Variants in ERBB4 observed in about 807,000 individuals in gnomAD.
ERBB4 encodes the protein erb-b2 receptor tyrosine kinase 4, also known as receptor tyrosine-protein kinase erbB-4.
A neutral mutation model predicts 158.0 loss-of-function variants in ERBB4; 42 were observed. That is an observed-to-expected ratio of 0.27 (90% CI 0.21 to 0.34). The LOEUF (loss-of-function observed/expected upper bound fraction) is 0.34, where lower values mean the gene tolerates loss of function less well. ERBB4 is among the 10% of genes least tolerant of loss of function. The probability of loss-of-function intolerance (pLI) is 1.00; values close to 1 mark genes in which losing one functional copy is unlikely to be tolerated. For missense variants in ERBB4, 1,333 were observed against 1,624.1 expected (o/e 0.82, Z 3.08); for synonymous variants, 583 against 558.7 (o/e 1.04, Z -0.61).
chr2:212,373,987 CATATATATCCAT>C (rs2090216431), intron 1 of ERBB4, among the ~76,000 whole-genome samples: 2 of 107,316 alleles, frequency 1.9e-5, no homozygotes, highest in African/African-American at 3.3e-5. Context: ...TATATATATC[CATATATATCCAT>C]ATATATATAT....
At chr2:211,985,199 A>G (rs896793082) in intron 2 of ERBB4, among the ~76,000 whole-genome samples, 1 of 152,194 alleles carries the variant, frequency 6.6e-6, no homozygotes, top group Non-Finnish European at 1.5e-5. Context: ...AATTGTAAAA[A>G]GTACCCAGAT....
At chr2:211,707,628 A>G (rs1241254916) in intron 9 of ERBB4, among the ~76,000 whole-genome samples, 1 of 152,158 alleles carries the variant, frequency 6.6e-6, no homozygotes, top group Non-Finnish European at 1.5e-5. Flanking sequence ...GGTTACTCTA[A>G]GCACATGCAC....
intron 1 of ERBB4, among the ~76,000 whole-genome samples, chr2:212,437,776 C>A (rs997707712): frequency 1.9e-4 from 29 of 152,034 alleles, no homozygotes; most frequent in African/African-American, 6.8e-4. Context: ...TTGTCCACAC[C>A]ATTCTGTTTC....
At chr2:211,518,523 GCA>G (rs922035755) in intron 20 of ERBB4, among the ~76,000 whole-genome samples, 1 of 151,976 alleles carries the variant, frequency 6.6e-6, no homozygotes, top group African/African-American at 2.4e-5. Flanking sequence ...GGGTGGTGGT[GCA>G]CACCTGTAAT....
At chr2:212,439,822 A>C (rs2092216743) in intron 1 of ERBB4, among the ~76,000 whole-genome samples, 1 of 152,182 alleles carries the variant, frequency 6.6e-6, no homozygotes, top group Non-Finnish European at 1.5e-5. Flanking sequence ...AAAAAATATA[A>C]GAAGCCCTGT....
Position 211,638,163 on chromosome 2 carries a change from CT to C in ERBB4, c.1947-7570del, listed in dbSNP as rs201437626. Among the ~76,000 whole-genome samples the C allele has an allele frequency of 1.7e-3, 249 of 147,322 alleles. 1 individual carries two copies. The highest frequency in any genetic ancestry group is 5.4e-3 in the African/African-American group (218 of 40,426). ...GTGAGAAAACAGTTAAAATGGTTTT[CT>C]TTTTTTTTTAACTTATATGGGATTT... On this transcript the variant is annotated intron_variant, in intron 16 of 27. Coordinates refer to ENST00000342788, the MANE Select transcript of ERBB4 (RefSeq NM_005235.3).
rs559089075 is a variant in ERBB4 at position 211,616,848 on chromosome 2, T to G, written c.2301+2329A>C. Among the ~76,000 whole-genome samples, 44 of 152,208 alleles carry G rather than the reference T, an allele frequency of 2.9e-4. No individual in the cohort carries two copies. In the Middle Eastern group the frequency reaches 0.01, roughly 35 times the overall value. On this transcript the variant is annotated intron_variant, in intron 19 of 27. Coordinates refer to ENST00000342788, the MANE Select transcript of ERBB4 (RefSeq NM_005235.3). ...CAAGAGAAAAGGCACAGTCAAAATA[T>G]TTTCTTTAACTTTTTTTAACTTTTA...
chr2:211,793,583 A>C (rs1031012624), intron 3 of ERBB4, among the ~76,000 whole-genome samples: 2 of 151,954 alleles, frequency 1.3e-5, no homozygotes, highest in African/African-American at 4.8e-5. Flanking sequence ...GACATAAAGC[A>C]ATGTATCTTT....
rs576599041 is a variant in ERBB4, at chr2:212,165,644, A to T, written c.83-40741T>A. Among the ~76,000 whole-genome samples, 35 of 152,122 alleles carry T rather than the reference A, an allele frequency of 2.3e-4. 1 individual carries two copies. The highest frequency in any genetic ancestry group is 7.9e-4 in the African/African-American group (33 of 41,524). On this transcript the variant is annotated intron_variant, in intron 1 of 27. Coordinates refer to ENST00000342788, the MANE Select transcript of ERBB4 (RefSeq NM_005235.3). ...TTAAAATTTATTTCATCCTTCCCGC[A>T]TCTTTATACCATCAATGTGGACATC... is the stretch of plus-strand genomic sequence containing the variant.
chr2:212,213,628 G>C (rs181524224), intron 1 of ERBB4, among the ~76,000 whole-genome samples: 53 of 151,946 alleles, frequency 3.5e-4, no homozygotes, highest in Non-Finnish European at 6.0e-4. Flanking sequence ...CAATGCTAAA[G>C]TAATTTTCTG....
intron 2 of ERBB4, among the ~76,000 whole-genome samples, chr2:211,990,277 A>G (rs1345356340): frequency 6.6e-6 from 1 of 151,930 alleles, no homozygotes; most frequent in Non-Finnish European, 1.5e-5. Context: ...AGCCATTAAA[A>G]TATCTGGGGG....
intron 1 of ERBB4, among the ~76,000 whole-genome samples, chr2:212,251,422 C>G (rs1405252473): frequency 6.6e-6 from 1 of 151,886 alleles, no homozygotes; most frequent in Non-Finnish European, 1.5e-5. Context: ...CCTCAAGTAC[C>G]TCATATCGTA....
rs559683530 is a variant in ERBB4 at position 212,437,671 on chromosome 2, T to C, written c.82+100778A>G. Among the ~76,000 whole-genome samples, 12 of 152,154 alleles carry C rather than the reference T, an allele frequency of 7.9e-5. No individual in the cohort carries two copies. In the East Asian group the frequency reaches 1.9e-3, roughly 24 times the overall value. On this transcript the variant is annotated intron_variant, in intron 1 of 27. Transcript: ENST00000342788. ...GTAGGTCACAAAAGGAACTCCATAATTGGGTTAACATCTACCACCTAGGCC... is the reference window on the plus strand; with the variant it reads ...GTAGGTCACAAAAGGAACTCCATAACTGGGTTAACATCTACCACCTAGGCC...
intron 3 of ERBB4, among the ~76,000 whole-genome samples, chr2:211,823,760 T>C (rs1009293896): frequency 1.3e-5 from 2 of 152,000 alleles, no homozygotes; most frequent in African/African-American, 4.8e-5. Flanking sequence ...ATCTGTGTAA[T>C]TTTTGTCCTC....
intron 2 of ERBB4, among the ~76,000 whole-genome samples, chr2:212,118,636 A>C (rs557117901): frequency 5.3e-5 from 8 of 152,252 alleles, no homozygotes; most frequent in Admixed American, 4.6e-4. Context: ...AACTAAAGAC[A>C]AAGGCTATAT....
chr2:211,875,041 A>C lies in ERBB4; in HGVS notation c.421+72389T>G, dbSNP rs1173711372. Reference sequence around the variant, plus strand: ...ATAGAAATGCAAAAAAAAAAAAAAAAAAAAAAAAACAAACTCAAATAAAAT... The same window carrying C: ...ATAGAAATGCAAAAAAAAAAAAAAACAAAAAAAAACAAACTCAAATAAAAT... On this transcript the variant is annotated intron_variant, in intron 3 of 27. Transcript: ENST00000342788. Among the ~76,000 whole-genome samples, 4 of 140,830 alleles carry C rather than the reference A, an allele frequency of 2.8e-5. 1 individual carries two copies. The East Asian group carries it at 6.0e-4, about 21-fold the overall frequency. 92.4% of individuals were successfully genotyped at this position (140,830 alleles called of 152,430 possible).
rs190709957 is a variant in ERBB4 at position 211,435,482 on chromosome 2, C to G, written c.2488-4382G>C. Reference sequence around the variant, plus strand: ...TGCTCCAAGTTATCTAATCAGGGATCCCCAACCCCTGGGCCATGGAGCAGC... The same window carrying G: ...TGCTCCAAGTTATCTAATCAGGGATGCCCAACCCCTGGGCCATGGAGCAGC... On this transcript the variant is annotated intron_variant, in intron 20 of 27. Transcript: ENST00000342788. 4.3e-4 allele frequency among the ~76,000 whole-genome samples: 66 copies of G among 152,270 alleles called. No individual in the cohort carries two copies. The East Asian group carries it at 0.011, about 25-fold the overall frequency.
intron 3 of ERBB4, among the ~76,000 whole-genome samples, chr2:211,943,857 G>A (rs992515005): frequency 2.0e-5 from 3 of 151,864 alleles, no homozygotes; most frequent in African/African-American, 7.3e-5. Context: ...CATTAAGCTA[G>A]TTAGTAATAA....
chr2:212,057,167 T>TC (rs765458394), intron 2 of ERBB4, among the ~76,000 whole-genome samples: 1 of 151,952 alleles, frequency 6.6e-6, no homozygotes, highest in Non-Finnish European at 1.5e-5. Context: ...CCAGCAAAGA[T>TC]CGAAAGAGAC....
Sources: gnomAD v4.1 joint callset for allele counts (sites outside exome capture counted in the v4.1 genomes callset) on GRCh38, gnomAD v4.1.1 for gene constraint, MANE v1.5 for transcripts, NCBI Gene and HGNC (gene_info 2026-07-23, HGNC 2026-07-21) for gene names.